MYO15B: variants seen among roughly 807,000 people sequenced by gnomAD.
MYO15B encodes myosin XVB pseudogene.
In MYO15B, 207 loss-of-function variants were observed where a neutral mutation model predicts 119.3. The observed-to-expected ratio is 1.73, with a 90% CI of 1.55 to 1.95. The LOEUF (loss-of-function observed/expected upper bound fraction) is 1.95. MYO15B is among the 30% of genes most tolerant of loss of function. The probability of loss-of-function intolerance (pLI) is 0.00; values close to 1 mark genes in which losing one functional copy is unlikely to be tolerated. For synonymous variants in MYO15B, 966 were observed against 498.9 expected (o/e 1.94, Z -12.48); for missense variants, 2,264 against 1,203.1 (o/e 1.88, Z -13.04).
intron 45 of MYO15B, 99 bp from the exon 46 acceptor site, chr17:75,619,582 G>A (rs2058580622): frequency 1.5e-6 from 1 of 685,616 alleles, no homozygotes; most frequent in Non-Finnish European, 2.7e-6. Context: ...AGACGCCAGG[G>A]GAAGGACAAA....
exon 59 of MYO15B, chr17:75,624,891 C>A: frequency 1.4e-6 from 1 of 698,210 alleles, no homozygotes; most frequent in Non-Finnish European, 2.6e-6. Flanking sequence ...GATAACTCCA[C>A]CTACATCAGC....
intron 53 of MYO15B, among the ~76,000 whole-genome samples, chr17:75,623,380 G>C (rs1181962622): frequency 3.3e-5 from 5 of 152,154 alleles, no homozygotes; most frequent in African/African-American, 4.8e-5. Context: ...TGTAATCCCA[G>C]CACTTTGGGA....
intron 21 of MYO15B, among the ~76,000 whole-genome samples, chr17:75,608,620 A>G (rs901319830): frequency 2.0e-5 from 3 of 151,236 alleles, no homozygotes; most frequent in Admixed American, 6.6e-5. Flanking sequence ...CAGCAGCAGC[A>G]TGATCTCAGC....
At chr17:75,625,307 C>T (rs2058973767) in intron 60 of MYO15B, 69 bp downstream of exon 60, 1 of 648,354 alleles carries the variant, frequency 1.5e-6, no homozygotes, top group Non-Finnish European at 2.8e-6. Flanking sequence ...TGACTGGTAC[C>T]CTTCCTGGCC....
chr17:75,625,169 C>A (rs1162599519), exon 60 of MYO15B: 3 of 702,454 alleles, frequency 4.3e-6, no homozygotes, highest in South Asian at 3.0e-5. Context: ...AGCGCCAAGG[C>A]AGACGCGCAG....
exon 1 of MYO15B, chr17:75,588,315 G>A (rs1029208025): frequency 2.5e-6 from 1 of 398,368 alleles, no homozygotes; most frequent in South Asian, 1.3e-4. Flanking sequence ...GGCTGTCCCC[G>A]AAAGCCCAGG....
chr17:75,614,622 C>T (rs753267255), exon 31 of MYO15B: 12 of 701,000 alleles, frequency 1.7e-5, no homozygotes, highest in Non-Finnish European at 2.6e-5. Flanking sequence ...TTCAGGCCCC[C>T]TCACTGCCCC....
exon 1 of MYO15B, chr17:75,588,056 C>A: frequency 5.0e-6 from 2 of 398,446 alleles, no homozygotes; most frequent in Non-Finnish European, 4.4e-6. Context: ...TTTGGGCCAG[C>A]CATGGGCAGG....
chr17:75,588,461 C>T (rs1259887413), exon 1 of MYO15B: 4 of 398,356 alleles, frequency 1.0e-5, no homozygotes, highest in East Asian at 7.1e-5. Flanking sequence ...AAGGGGCCCT[C>T]GGCTCGGCGG....
chr17:75,604,095 G>A (rs2147876222), intron 19 of MYO15B, among the ~76,000 whole-genome samples: 1 of 152,314 alleles, frequency 6.6e-6, no homozygotes, highest in East Asian at 1.9e-4. Context: ...GCAAAAGGCA[G>A]GCAGTAGGGA....
rs368898996 is a variant in MYO15B, at chr17:75,610,522, G to A, written c.4386+263G>A. Among the ~76,000 whole-genome samples, 75 of 152,250 alleles carry A rather than the reference G, an allele frequency of 4.9e-4. 1 individual carries two copies. The East Asian group carries it at 0.014, about 29-fold the overall frequency. ...TGCCTGGGGTTCCCATCCCCTCCAG[G>A]CCTCCCCTGGGCCCCGTCCGCTCCC... On this transcript the variant is annotated intron_variant, in intron 22 of 63. Coordinates refer to ENST00000645453, the Ensembl canonical transcript of MYO15B.
chr17:75,597,184 TG>T (rs978993043), intron 14 of MYO15B, among the ~76,000 whole-genome samples: 1 of 152,194 alleles, frequency 6.6e-6, no homozygotes, highest in Non-Finnish European at 1.5e-5. Flanking sequence ...TAGTGCCCGA[TG>T]GGCAAGGTGG....
Position 75,613,881 on chromosome 17 carries a change from C to T in MYO15B, c.5219+104C>T, listed in dbSNP as rs746956544. ...TCAGGGGCCGGGAGGAGAGGTGCCC[C>T]GGGGTGGGCAGGGGCCAGACTGCAG... On this transcript the variant is annotated intron_variant, in intron 29 of 63. Coordinates refer to ENST00000645453, the Ensembl canonical transcript of MYO15B. 237 of 615,412 alleles carry T rather than the reference C, an allele frequency of 3.9e-4. 8 individuals are homozygous for T. In the South Asian group the frequency reaches 3.9e-3, roughly 10 times the overall value. 38.1% of individuals were successfully genotyped at this position (615,412 alleles called of 1,614,324 possible). A position where few individuals can be genotyped will look rare whatever the true frequency, so the allele number is the denominator to read the frequency against.
At chr17:75,598,868 T>TC (rs139518022) in intron 14 of MYO15B, among the ~76,000 whole-genome samples, 32,265 of 151,972 alleles carry the variant, frequency 0.21, 4,189 homozygotes, top group Non-Finnish European at 0.3. Context: ...TTTCCAGGGC[T>TC]CAGCAATATC....
exon 5 of MYO15B, chr17:75,591,658 C>T (rs1346855091): frequency 5.7e-6 from 4 of 702,950 alleles, no homozygotes; most frequent in Admixed American, 2.0e-5. Context: ...CCAAAAAGAT[C>T]ATGCAGTTCC....
At chr17:75,590,330 A>C (rs1022510213) in intron 1 of MYO15B, 87 bp downstream of exon 1, 3 of 398,540 alleles carry the variant, frequency 7.5e-6, no homozygotes, top group African/African-American at 2.1e-5. Context: ...TTGCGTGTAG[A>C]CCCTTATTGA....
chr17:75,596,532 C>T lies in MYO15B; in HGVS notation c.3370C>T (p.Gln1124Ter). 1 of 703,048 alleles carries T rather than the reference C, an allele frequency of 1.4e-6. No individual in the cohort carries two copies. The highest frequency in any genetic ancestry group is 2.6e-6 in the Non-Finnish European group (1 of 384,998). 43.6% of individuals were successfully genotyped at this position (703,048 alleles called of 1,614,324 possible). The change falls in exon 13 of 64, where the codon CAG becomes TAG. Residue 1124 changes from glutamine (Q) to a stop codon, truncating the protein, a stop_gained. Transcript: ENST00000645453. LOFTEE classifies it high-confidence loss of function. ...CGAGCGCCTACAGCTCTTCTCCAGC[C>T]AGATGCTGCTGGCCCAGGAGGAGGT...
At position 75,594,297 on chromosome 17, in the gene MYO15B, G is replaced by A. The variant is rs559584768; in HGVS notation, c.2992-178G>A. 1.2e-4 allele frequency among the ~76,000 whole-genome samples: 18 copies of A among 152,286 alleles called. No individual in the cohort carries two copies. In the East Asian group the frequency reaches 3.5e-3, roughly 29 times the overall value. On this transcript the variant is annotated intron_variant, in intron 9 of 63. Coordinates refer to ENST00000645453, the Ensembl canonical transcript of MYO15B. ...GTCCGCCAGCAAAGAGGGAAAGTAG[G>A]ACTCGAACTCAGGGCCCTGAAAACC...
intron 4 of MYO15B, 161 bp downstream of exon 4, chr17:75,591,407 C>T (rs1488138349): frequency 1.6e-6 from 1 of 619,310 alleles, no homozygotes; most frequent in East Asian, 2.7e-5. Flanking sequence ...ATCACATGAG[C>T]CCCTGGAATG....
Sources: gnomAD v4.1 joint callset for allele counts (sites outside exome capture counted in the v4.1 genomes callset) on GRCh38, gnomAD v4.1.1 for gene constraint, MANE v1.5 for transcripts, NCBI Gene and HGNC (gene_info 2026-07-23, HGNC 2026-07-21) for gene names.